SNAP91: variants seen among roughly 807,000 people sequenced by gnomAD.
SNAP91 encodes clathrin coat assembly protein AP180.
A neutral mutation model predicts 100.3 loss-of-function variants in SNAP91; 27 were observed. The observed-to-expected ratio is 0.27, with a 90% CI of 0.20 to 0.37. The LOEUF (loss-of-function observed/expected upper bound fraction) is 0.37. SNAP91 is among the 10% of genes least tolerant of loss of function. SNAP91 has a pLI of 1.00. For missense variants in SNAP91, 986 were observed against 1,123.7 expected (o/e 0.88, Z 1.75); for synonymous variants, 404 against 398.6 (o/e 1.01, Z -0.16).
intron 7 of SNAP91, among the ~76,000 whole-genome samples, chr6:83,649,496 C>T (rs2098103601): frequency 6.6e-6 from 1 of 152,198 alleles, no homozygotes; most frequent in South Asian, 2.1e-4. Flanking sequence ...CACACCATTG[C>T]TTCAGCTTCA....
chr6:83,616,619 G>GA (rs2096497070), intron 10 of SNAP91, among the ~76,000 whole-genome samples: 1 of 152,126 alleles, frequency 6.6e-6, no homozygotes, highest in Non-Finnish European at 1.5e-5. Flanking sequence ...GGCTGCTTGT[G>GA]AAATTGTGCT....
intron 20 of SNAP91, 58 bp downstream of exon 20, chr6:83,592,888 C>G (rs1290543478): frequency 1.5e-5 from 19 of 1,250,970 alleles, no homozygotes; most frequent in East Asian, 5.0e-5. Context: ...ATATCCTTCT[C>G]TCTATGCATT....
At chr6:83,565,114 TA>T (rs1051648016) in intron 26 of SNAP91, among the ~76,000 whole-genome samples, 2 of 151,596 alleles carry the variant, frequency 1.3e-5, no homozygotes, top group African/African-American at 4.9e-5. Flanking sequence ...GGTAGCAGAA[TA>T]TGCCACCCCA....
At chr6:83,694,570 T>C (rs1465604476) in intron 2 of SNAP91, among the ~76,000 whole-genome samples, 3 of 152,216 alleles carry the variant, frequency 2.0e-5, no homozygotes, top group Non-Finnish European at 4.4e-5. Flanking sequence ...CCCTATGATT[T>C]TGGAAAACTC....
chr6:83,692,755 CA>C (rs1409499760), intron 2 of SNAP91, among the ~76,000 whole-genome samples: 3 of 152,110 alleles, frequency 2.0e-5, no homozygotes, highest in Non-Finnish European at 4.4e-5. Context: ...AGCAAATCAT[CA>C]AAAGACATAA....
chr6:83,702,292 G>T (rs929009938), intron 2 of SNAP91, among the ~76,000 whole-genome samples: 1 of 152,082 alleles, frequency 6.6e-6, no homozygotes, highest in African/African-American at 2.4e-5. Flanking sequence ...GGCCCCTAGG[G>T]AATAGGGTTA....
chr6:83,654,206 C>T (rs573343627), intron 7 of SNAP91, among the ~76,000 whole-genome samples: 75 of 152,282 alleles, frequency 4.9e-4, no homozygotes, highest in Non-Finnish European at 7.8e-4. Flanking sequence ...CCTACTTCAA[C>T]AGTAGTTCCT....
intron 14 of SNAP91, among the ~76,000 whole-genome samples, chr6:83,605,021 A>C (rs1306672226): frequency 6.6e-6 from 1 of 152,160 alleles, no homozygotes; most frequent in Non-Finnish European, 1.5e-5. Flanking sequence ...AGCTTTGAGC[A>C]TTATGAAGCA....
chr6:83,611,212 C>A (rs565608231), intron 11 of SNAP91, among the ~76,000 whole-genome samples: 4 of 152,020 alleles, frequency 2.6e-5, no homozygotes, highest in East Asian at 3.9e-4. Context: ...TTTCCCCCCC[C>A]ATGGCTGTAA....
intron 13 of SNAP91, among the ~76,000 whole-genome samples, chr6:83,606,394 C>T (rs1464283396): frequency 6.6e-6 from 1 of 151,928 alleles, no homozygotes; most frequent in African/African-American, 2.4e-5. Flanking sequence ...TTTATTTTTA[C>T]TCAGTTGAGG....
chr6:83,605,614 A>T, intron 14 of SNAP91, 71 bp downstream of exon 14: 1 of 1,531,312 alleles, frequency 6.5e-7, no homozygotes, highest in Non-Finnish European at 8.8e-7. Flanking sequence ...AAATGTTAAC[A>T]ATTATAGCCT....
At chr6:83,564,015 T>C (rs1297966652) in intron 26 of SNAP91, among the ~76,000 whole-genome samples, 1 of 152,142 alleles carries the variant, frequency 6.6e-6, no homozygotes, top group East Asian at 1.9e-4. Context: ...CTAAAATTTA[T>C]ATAAAAATGC....
At chr6:83,644,774 C>T (rs1381319203) in intron 7 of SNAP91, among the ~76,000 whole-genome samples, 1 of 152,138 alleles carries the variant, frequency 6.6e-6, no homozygotes, top group African/African-American at 2.4e-5. Context: ...AGATTTATAG[C>T]ACCAATATTG....
At position 83,610,759 on chromosome 6, in the gene SNAP91, G is replaced by C. The variant is rs1481542638; in HGVS notation, c.885-82C>G. On this transcript the variant is annotated intron_variant, in intron 11 of 29. Transcript: ENST00000369694. ...TATATATATATATAAATATATATGT[G>C]AATATATTTGTAGAAGCATTTAAGT... 3 of 176,482 alleles carry C rather than the reference G, an allele frequency of 1.7e-5. No individual in the cohort carries two copies. In the South Asian group the frequency reaches 7.6e-4, roughly 45 times the overall value. The allele number at this position is 176,482 out of a possible 1,614,324, so 10.9% of individuals were successfully genotyped here.
intron 20 of SNAP91, 54 bp downstream of exon 20, chr6:83,592,892 A>G: frequency 3.1e-6 from 4 of 1,275,500 alleles, no homozygotes; most frequent in South Asian, 2.6e-5. Context: ...CCTTCTCTCT[A>G]TGCATTACTT....
rs2097194406 is a variant in SNAP91, at chr6:83,631,246, A to AT, written c.766-7905dup. On this transcript the variant is annotated intron_variant, in intron 8 of 29. Transcript: ENST00000369694. ...AATTTTCTTAAATTTATTGAGGGTC[A>AT]TTTTGTGGCCTCTCATATGGTCTAT... is the stretch of plus-strand genomic sequence containing the variant. Among the ~76,000 whole-genome samples, 2 of 151,988 alleles carry AT rather than the reference A, an allele frequency of 1.3e-5. 1 individual carries two copies. The highest frequency in any genetic ancestry group is 4.8e-5 in the African/African-American group (2 of 41,388).
intron 16 of SNAP91, among the ~76,000 whole-genome samples, chr6:83,596,097 C>G (rs546503878): frequency 3.9e-5 from 6 of 152,238 alleles, no homozygotes; most frequent in African/African-American, 1.4e-4. Flanking sequence ...CTCTGTTGCC[C>G]AGGCTGGAGT....
chr6:83,637,475 C>T (rs975564067), intron 8 of SNAP91, among the ~76,000 whole-genome samples: 7 of 152,158 alleles, frequency 4.6e-5, no homozygotes, highest in Non-Finnish European at 7.4e-5. Flanking sequence ...GTGCCTGTGG[C>T]CCAGGGTTTC....
chr6:83,634,367 C>G (rs113115065), intron 8 of SNAP91, among the ~76,000 whole-genome samples: 2 of 148,112 alleles, frequency 1.4e-5, no homozygotes, highest in African/African-American at 2.7e-5. Context: ...TTCCCCAGTG[C>G]GGGGTGTGTG....
Sources: allele counts gnomAD v4.1 joint callset (sites outside exome capture counted in the v4.1 genomes callset), GRCh38; gene constraint gnomAD v4.1.1; transcripts MANE v1.5; gene names NCBI Gene and HGNC (gene_info 2026-07-23, HGNC 2026-07-21).